Variants in CADPS2 observed in about 807,000 individuals in gnomAD.
CADPS2 encodes calcium-dependent secretion activator 2.
CADPS2 carries 93 observed loss-of-function variants against 172.5 expected under a neutral mutation model. That is an observed-to-expected ratio of 0.54 (90% CI 0.46 to 0.64). The LOEUF is 0.64. CADPS2 is among the 30% of genes least tolerant of loss of function. The probability of loss-of-function intolerance (pLI) is 0.00; values close to 1 mark genes in which losing one functional copy is unlikely to be tolerated. For missense variants in CADPS2, 1,420 were observed against 1,565.9 expected (o/e 0.91, Z 1.57); for synonymous variants, 546 against 555.2 (o/e 0.98, Z 0.23).
At chr7:122,790,516 A>C (rs2139666579) in intron 1 of CADPS2, among the ~76,000 whole-genome samples, 1 of 152,274 alleles carries the variant, frequency 6.6e-6, no homozygotes, top group Middle Eastern at 3.4e-3. Flanking sequence ...ACCCCTGGCC[A>C]ATTTAATTGT....
At chr7:122,610,298 C>T (rs1224649545) in intron 6 of CADPS2, among the ~76,000 whole-genome samples, 2 of 151,052 alleles carry the variant, frequency 1.3e-5, no homozygotes, top group Non-Finnish European at 3.0e-5. Flanking sequence ...AATTAAATAA[C>T]AGCCCATGAA....
At chr7:122,769,058 A>T (rs988655895) in intron 1 of CADPS2, among the ~76,000 whole-genome samples, 9 of 152,206 alleles carry the variant, frequency 5.9e-5, no homozygotes, top group Admixed American at 3.9e-4. Flanking sequence ...TCTATGTTTA[A>T]TGTGAGATAC....
rs1563648945 is a variant in CADPS2 at position 122,541,839 on chromosome 7, T to TTA, written c.1475+12709_1475+12710dup. Among the ~76,000 whole-genome samples, 404 of 65,000 alleles carry TTA rather than the reference T, an allele frequency of 6.2e-3. 4 individuals are homozygous for TTA. Among genetic ancestry groups the TTA allele is most frequent in the Admixed American group, 0.016 (100 of 6,392 alleles). 42.6% of individuals were successfully genotyped at this position (65,000 alleles called of 152,430 possible). ...TTCATATGTTTATATATTCATATGT[T>TTA]TATATATTCATATATATTTATATAT... On this transcript the variant is annotated intron_variant, in intron 8 of 29. Coordinates refer to ENST00000449022, the MANE Select transcript of CADPS2 (RefSeq NM_017954.11).
chr7:122,379,184 C>A (rs2042701589), intron 25 of CADPS2, 184 bp downstream of exon 25: 5 of 435,214 alleles, frequency 1.1e-5, no homozygotes, highest in South Asian at 3.7e-5. Context: ...TACAAAAAAA[C>A]AAAAGCTGTT....
intron 1 of CADPS2, among the ~76,000 whole-genome samples, chr7:122,765,791 T>C (rs1180860900): frequency 1.3e-5 from 2 of 152,114 alleles, no homozygotes; most frequent in African/African-American, 4.8e-5. Context: ...CTCTATTTTA[T>C]AGTTGAGAAG....
At chr7:122,588,621 A>G (rs2070183671) in intron 6 of CADPS2, among the ~76,000 whole-genome samples, 1 of 151,960 alleles carries the variant, frequency 6.6e-6, no homozygotes, top group African/African-American at 2.4e-5. Context: ...TCAAACATTC[A>G]GTATTTATTT....
At chr7:122,787,553 C>G (rs1264209689) in intron 1 of CADPS2, among the ~76,000 whole-genome samples, 1 of 152,186 alleles carries the variant, frequency 6.6e-6, no homozygotes, top group Non-Finnish European at 1.5e-5. Flanking sequence ...TACTCTAATA[C>G]TACAGTACAC....
chr7:122,719,374 G>A (rs548719114), intron 2 of CADPS2, among the ~76,000 whole-genome samples: 4 of 150,036 alleles, frequency 2.7e-5, no homozygotes, highest in Non-Finnish European at 4.5e-5. Flanking sequence ...CACTTCCTCC[G>A]ACTATCTGAC....
At chr7:122,691,156 G>A (rs921612665) in intron 2 of CADPS2, among the ~76,000 whole-genome samples, 21 of 152,308 alleles carry the variant, frequency 1.4e-4, no homozygotes, top group African/African-American at 3.8e-4. Flanking sequence ...ACCCATGAAT[G>A]CACCCATCCT....
chr7:122,671,835 T>C (rs2135567455), intron 2 of CADPS2, among the ~76,000 whole-genome samples: 1 of 152,224 alleles, frequency 6.6e-6, no homozygotes, highest in Middle Eastern at 3.4e-3. Flanking sequence ...AAGGCAGAGG[T>C]GTGAGCAAAA....
chr7:122,455,235 T>C (rs2053614650), intron 14 of CADPS2, among the ~76,000 whole-genome samples: 1 of 152,066 alleles, frequency 6.6e-6, no homozygotes, highest in African/African-American at 2.4e-5. Context: ...GAGTGCTTTC[T>C]CTACATGTAC....
intron 1 of CADPS2, among the ~76,000 whole-genome samples, chr7:122,768,934 ATGC>A (rs2093632057): frequency 6.6e-6 from 1 of 152,084 alleles, no homozygotes; most frequent in Non-Finnish European, 1.5e-5. Context: ...AAGACAGCAT[ATGC>A]TGCTAAGTGC....
intron 29 of CADPS2, among the ~76,000 whole-genome samples, chr7:122,320,704 G>A (rs1035949373): frequency 1.3e-5 from 2 of 151,850 alleles, no homozygotes; most frequent in Admixed American, 1.3e-4. Context: ...TAATTGAGGG[G>A]GCTTTCCTTT....
chr7:122,549,910 CTT>C (rs1161836547), intron 8 of CADPS2, among the ~76,000 whole-genome samples: 6 of 152,128 alleles, frequency 3.9e-5, no homozygotes, highest in African/African-American at 1.4e-4. Flanking sequence ...AGCCTGGACT[CTT>C]TGAGCAAATA....
intron 3 of CADPS2, among the ~76,000 whole-genome samples, chr7:122,639,033 G>T (rs988446691): frequency 6.6e-6 from 1 of 152,110 alleles, no homozygotes; most frequent in South Asian, 2.1e-4. Flanking sequence ...GAGGCCAAAG[G>T]GTACTAACTT....
chr7:122,718,912 C>A (rs1238693090), intron 2 of CADPS2, among the ~76,000 whole-genome samples: 1 of 152,140 alleles, frequency 6.6e-6, no homozygotes, highest in Non-Finnish European at 1.5e-5. Flanking sequence ...TCTCCTCCAA[C>A]TTGGCTTCTC....
intron 1 of CADPS2, among the ~76,000 whole-genome samples, chr7:122,857,438 TG>T (rs768891820): frequency 6.6e-6 from 1 of 152,192 alleles, no homozygotes; most frequent in Non-Finnish European, 1.5e-5. Flanking sequence ...TATTAAATGA[TG>T]GTAACTTGCT....
intron 19 of CADPS2, among the ~76,000 whole-genome samples, chr7:122,411,750 C>T (rs2047345644): frequency 6.6e-6 from 1 of 152,110 alleles, no homozygotes; most frequent in African/African-American, 2.4e-5. Context: ...CACATACACA[C>T]ATACTCACAT....
intron 17 of CADPS2, among the ~76,000 whole-genome samples, chr7:122,417,448 A>G (rs1163071527): frequency 6.6e-6 from 1 of 152,218 alleles, no homozygotes. Context: ...AAGTGTGCCT[A>G]CAATGTTGTT....
Sources: allele counts gnomAD v4.1 joint callset (sites outside exome capture counted in the v4.1 genomes callset), GRCh38; gene constraint gnomAD v4.1.1; transcripts MANE v1.5; gene names NCBI Gene and HGNC (gene_info 2026-07-23, HGNC 2026-07-21).